The following HPCAL1 variants were observed in gnomAD, a reference collection of about 807,000 sequenced individuals.
HPCAL1 encodes hippocalcin like 1.
Under a neutral mutation model 17.1 loss-of-function variants are expected in HPCAL1, and 8 were observed. That is an observed-to-expected ratio of 0.47 (90% CI 0.27 to 0.84). The LOEUF is 0.84. Ranked by LOEUF, HPCAL1 falls within the 40% of genes least tolerant of loss-of-function variation. The pLI is 0.13. For missense variants in HPCAL1, 165 were observed against 271.1 expected (o/e 0.61, Z 2.75); for synonymous variants, 112 against 111.4 (o/e 1.01, Z -0.03).
chr2:10,341,563 A>G (rs1044910038), intron 1 of HPCAL1, among the ~76,000 whole-genome samples: 4 of 152,064 alleles, frequency 2.6e-5, no homozygotes, highest in African/African-American at 9.7e-5. Flanking sequence ...TTGGGGGAAG[A>G]GACGGGGGTC....
intron 2 of HPCAL1, among the ~76,000 whole-genome samples, chr2:10,403,684 T>C (rs1463459081): frequency 3.3e-5 from 5 of 152,136 alleles, no homozygotes; most frequent in African/African-American, 1.2e-4. Context: ...GGTTTTACCA[T>C]GTTGGCCAGG....
rs1488631703 is a variant in HPCAL1, at chr2:10,310,780, A to T, written c.-111+7603A>T. 1.3e-5 allele frequency among the ~76,000 whole-genome samples: 2 copies of T among 152,112 alleles called. No individual in the cohort carries two copies. Among genetic ancestry groups the T allele is most frequent in the East Asian group, 3.9e-4 (2 of 5,184 alleles). ...GAGGACTGCTGGGCACACTTGCAGAATTGCGGTTCTGTACAGCAGTGTGTA... is the reference window on the plus strand; with the variant it reads ...GAGGACTGCTGGGCACACTTGCAGATTTGCGGTTCTGTACAGCAGTGTGTA... On this transcript the variant is annotated intron_variant, in intron 1 of 4. Transcript: ENST00000307845. The surrounding 1 kb of genome is among the most constrained non-coding windows in gnomAD (Gnocchi z 4.5).
At chr2:10,329,703 T>C (rs1189674902) in intron 1 of HPCAL1, among the ~76,000 whole-genome samples, 2 of 152,264 alleles carry the variant, frequency 1.3e-5, no homozygotes, top group African/African-American at 4.8e-5. Flanking sequence ...TCCTCCAGTG[T>C]GATCCCTTCC....
At chr2:10,424,572 C>T (rs189660293) in intron 4 of HPCAL1, 1 of 471,122 alleles carries the variant, frequency 2.1e-6, no homozygotes, top group African/African-American at 2.0e-5. Context: ...GAATCTGCCT[C>T]CTGGCTTGGC....
intron 1 of HPCAL1, among the ~76,000 whole-genome samples, chr2:10,308,786 C>T (rs774887450): frequency 3.1e-4 from 47 of 152,248 alleles, no homozygotes; most frequent in Admixed American, 1.1e-3. Context: ...TAAAATACAG[C>T]GCATGTATTG....
At position 10,330,150 on chromosome 2, in the gene HPCAL1, T is replaced by C. The variant is rs1277102578; in HGVS notation, c.-111+26973T>C. Reference sequence around the variant, plus strand: ...TGGCAAGCTAGAGATGCTTTCTTTTTCAGAGCGGCCTTTATGCTGTGTTCG... The same window carrying C: ...TGGCAAGCTAGAGATGCTTTCTTTTCCAGAGCGGCCTTTATGCTGTGTTCG... On this transcript the variant is annotated intron_variant, in intron 1 of 4. Coordinates refer to ENST00000307845, the MANE Select transcript of HPCAL1 (RefSeq NM_002149.4). The surrounding 1 kb of genome is among the most constrained non-coding windows in gnomAD (Gnocchi z 4.2). The C allele has an allele frequency of 6.6e-6, 1 of 152,190 alleles. No individual in the cohort carries two copies. The highest frequency in any genetic ancestry group is 2.4e-5 in the African/African-American group (1 of 41,432). 9.4% of individuals were successfully genotyped at this position (152,190 alleles called of 1,614,324 possible).
intron 2 of HPCAL1, among the ~76,000 whole-genome samples, chr2:10,415,228 G>T (rs1008424074): frequency 2.0e-5 from 3 of 152,170 alleles, no homozygotes; most frequent in Non-Finnish European, 4.4e-5. Context: ...CCTGGGCTGG[G>T]TGTGCCTCAC....
chr2:10,370,767 C>A (rs562799090), intron 1 of HPCAL1, among the ~76,000 whole-genome samples: 2 of 152,232 alleles, frequency 1.3e-5, no homozygotes, highest in Admixed American at 6.5e-5. Context: ...TGCCCTGCTC[C>A]TGGGGGTCTT....
At chr2:10,399,227 C>CACCGCCGCTGCCGCT in intron 2 of HPCAL1, among the ~76,000 whole-genome samples, 1 of 144,388 alleles carries the variant, frequency 6.9e-6, no homozygotes, top group African/African-American at 2.6e-5. Flanking sequence ...CCACCACCAC[C>CACCGCCGCTGCCGCT]ACCACCACCA....
chr2:10,358,066 C>T (rs1282859850), intron 1 of HPCAL1, among the ~76,000 whole-genome samples: 2 of 152,208 alleles, frequency 1.3e-5, no homozygotes, highest in Admixed American at 1.3e-4. Context: ...CGGTGGAAAG[C>T]CTCTTTCTCC....
Position 10,348,204 on chromosome 2 carries a change from C to A in HPCAL1, c.-111+45027C>A, listed in dbSNP as rs59560367. Among the ~76,000 whole-genome samples the A allele has an allele frequency of 8.4e-3, 1,280 of 152,328 alleles. 28 individuals are homozygous for A. The highest frequency in any genetic ancestry group is 0.029 in the African/African-American group (1,203 of 41,588). On this transcript the variant is annotated intron_variant, in intron 1 of 4. Transcript: ENST00000307845. ...GTGGCTCATGCCTGTAATCCCAGCA[C>A]TTTGGGAGGCCAAGGTGGGCAGTTC...
intron 2 of HPCAL1, among the ~76,000 whole-genome samples, chr2:10,405,976 T>A (rs1669944984): frequency 6.6e-6 from 1 of 152,212 alleles, no homozygotes; most frequent in Non-Finnish European, 1.5e-5. Context: ...TGTGATTGAA[T>A]AGTAATAGAA....
intron 1 of HPCAL1, among the ~76,000 whole-genome samples, chr2:10,341,147 A>C (rs1466262670): frequency 2.6e-5 from 4 of 152,084 alleles, no homozygotes; most frequent in African/African-American, 9.7e-5. Flanking sequence ...TCAAGGGTCT[A>C]GATTTATGAT....
At position 10,380,788 on chromosome 2, in the gene HPCAL1, C is replaced by G. The variant is rs11684435; in HGVS notation, c.-110-16047C>G. 4.8e-3 allele frequency among the ~76,000 whole-genome samples: 732 copies of G among 152,340 alleles called. 9 individuals carry two copies. The highest frequency in any genetic ancestry group is 0.017 in the African/African-American group (699 of 41,572). ...GGACTCCCCTGGCATCCTGCACTCA[C>G]TCACCTATGGCACATATCATTGGCC... On this transcript the variant is annotated intron_variant, in intron 1 of 4. Transcript: ENST00000307845.
intron 1 of HPCAL1, among the ~76,000 whole-genome samples, chr2:10,366,416 G>A (rs1417313742): frequency 2.6e-5 from 4 of 151,942 alleles, no homozygotes; most frequent in African/African-American, 9.7e-5. Flanking sequence ...TTGTATTTTT[G>A]GTAGAGACGG....
intron 1 of HPCAL1, among the ~76,000 whole-genome samples, chr2:10,325,369 C>T (rs1216758135): frequency 6.6e-6 from 1 of 152,240 alleles, no homozygotes; most frequent in Non-Finnish European, 1.5e-5. Flanking sequence ...GCCCCAGCCT[C>T]TGAGGCTATC....
Position 10,392,119 on chromosome 2 carries a change from T to C in HPCAL1, c.-110-4716T>C, listed in dbSNP as rs936186654. 2.0e-5 allele frequency among the ~76,000 whole-genome samples: 3 copies of C among 152,290 alleles called. No individual in the cohort carries two copies. The East Asian group carries it at 5.8e-4, about 29-fold the overall frequency. ...GTGCAGTGGCATGACCATAGCTCAC[T>C]GCAGCCTTGAACTCCTGGGCTCAAG... On this transcript the variant is annotated intron_variant, in intron 1 of 4. Coordinates refer to ENST00000307845, the MANE Select transcript of HPCAL1 (RefSeq NM_002149.4).
chr2:10,382,354 G>C (rs1021145420), intron 1 of HPCAL1, among the ~76,000 whole-genome samples: 1 of 152,120 alleles, frequency 6.6e-6, no homozygotes. Flanking sequence ...ATACTGTAGT[G>C]GGGGAGCCAT....
intron 4 of HPCAL1, 72 bp downstream of exon 4, chr2:10,423,160 C>A: frequency 8.7e-7 from 1 of 1,155,468 alleles, no homozygotes; most frequent in Non-Finnish European, 1.3e-6. Context: ...TTGGGGCACC[C>A]CCTCCCCTCT....
Sources: allele counts gnomAD v4.1 joint callset (sites outside exome capture counted in the v4.1 genomes callset), GRCh38; gene constraint gnomAD v4.1.1; non-coding constraint Gnocchi (gnomAD v3.1); transcripts MANE v1.5; gene names NCBI Gene and HGNC (gene_info 2026-07-23, HGNC 2026-07-21).